The following DIAPH2 variants were observed in gnomAD, a reference collection of about 807,000 sequenced individuals.
DIAPH2 encodes the protein diaphanous related formin 2, also known as protein diaphanous homolog 2.
A neutral mutation model predicts 92.7 loss-of-function variants in DIAPH2; 35 were observed. That is an observed-to-expected ratio of 0.38 (90% CI 0.29 to 0.50). The LOEUF is 0.50. DIAPH2 is among the 20% of genes least tolerant of loss of function. The pLI, the probability that DIAPH2 is intolerant of heterozygous loss-of-function variation, is 0.94. For synonymous variants in DIAPH2, 301 were observed against 280.4 expected, an observed-to-expected ratio of 1.07 and a Z score of -0.73; for missense variants, 701 against 819.5, an observed-to-expected ratio of 0.86 and a Z score of 1.77.
intron 17 of DIAPH2, among the ~76,000 whole-genome samples, chrX:96,970,179 A>G (rs926510902): frequency 9.0e-6 from 1 of 110,632 alleles, no homozygotes; most frequent in African/African-American, 3.3e-5. Flanking sequence ...TGCAGTTTTC[A>G]TGTTCTGTTG....
intron 26 of DIAPH2, among the ~76,000 whole-genome samples, chrX:97,430,149 A>G (rs2147777426): frequency 8.9e-6 from 1 of 112,179 alleles, no homozygotes; most frequent in African/African-American, 3.2e-5. Flanking sequence ...GCTTGTTTCT[A>G]GAGACCGTTT....
intron 22 of DIAPH2, among the ~76,000 whole-genome samples, chrX:97,222,074 A>G (rs2067930361): frequency 9.0e-6 from 1 of 111,363 alleles, no homozygotes. Flanking sequence ...ATCGTATTAC[A>G]CCAAAGCAAA....
chrX:97,047,766 T>A lies in DIAPH2; in HGVS notation c.2051-25175T>A, dbSNP rs372357922. ...GGTTGTATTAGGTACTTTTAAGGGA[T>A]CCTCTGACTTTGTTCTATGATTCTA... On this transcript the variant is annotated intron_variant, in intron 17 of 26. Coordinates refer to ENST00000324765, the MANE Select transcript of DIAPH2 (RefSeq NM_006729.5). Among the ~76,000 whole-genome samples, 5 of 108,522 alleles carry A rather than the reference T, an allele frequency of 4.6e-5. No individual in the cohort carries two copies. In the South Asian group the frequency reaches 1.2e-3, roughly 26 times the overall value. 94.2% of individuals were successfully genotyped at this position (108,522 alleles called of 115,157 possible). A position where few individuals can be genotyped will look rare whatever the true frequency, so the allele number is the denominator to read the frequency against.
chrX:96,986,724 A>G (rs2066034246), intron 17 of DIAPH2, among the ~76,000 whole-genome samples: 1 of 111,375 alleles, frequency 9.0e-6, no homozygotes, highest in African/African-American at 3.3e-5. Context: ...ATAGGACTAA[A>G]GCAACCTCTT....
intron 17 of DIAPH2, among the ~76,000 whole-genome samples, chrX:97,025,892 C>A (rs1192280139): frequency 9.0e-6 from 1 of 111,433 alleles, no homozygotes; most frequent in African/African-American, 3.3e-5. Flanking sequence ...GGGAAAGAAC[C>A]TATTCTTCCT....
chrX:97,265,768 T>C (rs1241703326), intron 23 of DIAPH2, among the ~76,000 whole-genome samples: 2 of 111,820 alleles, frequency 1.8e-5, no homozygotes, highest in African/African-American at 6.5e-5. Context: ...GGACAAATCA[T>C]GTAGGTCCTT....
intron 25 of DIAPH2, among the ~76,000 whole-genome samples, chrX:97,397,017 C>G (rs950130851): frequency 9.0e-6 from 1 of 111,448 alleles, no homozygotes; most frequent in African/African-American, 3.3e-5. Context: ...AATAGTCAAT[C>G]CTCAGTCCTC....
At chrX:97,178,799 T>C (rs1327964907) in intron 22 of DIAPH2, among the ~76,000 whole-genome samples, 1 of 111,149 alleles carries the variant, frequency 9.0e-6, no homozygotes, top group African/African-American at 3.3e-5. Flanking sequence ...GGCGATTAGG[T>C]CCTGAGGGCA....
At chrX:97,382,574 T>C (rs2069560950) in intron 24 of DIAPH2, among the ~76,000 whole-genome samples, 1 of 112,007 alleles carries the variant, frequency 8.9e-6, no homozygotes, top group African/African-American at 3.2e-5. Context: ...TGCTTTAAAA[T>C]TATGATTCTA....
intron 5 of DIAPH2, chrX:96,884,556 G>T: frequency 8.3e-7 from 1 of 1,210,699 alleles, no homozygotes; most frequent in Non-Finnish European, 1.1e-6. Flanking sequence ...TAATCAGAGG[G>T]GCAGAGAAGG....
chrX:97,536,882 G>A (rs1423781025), intron 26 of DIAPH2, among the ~76,000 whole-genome samples: 2 of 111,686 alleles, frequency 1.8e-5, no homozygotes, highest in African/African-American at 3.3e-5. Context: ...TTATAAGCAC[G>A]GTATTGTGCT....
rs1214444419 is a variant in DIAPH2 at position 97,247,774 on chromosome X, G to A, written c.2779G>A (p.Glu927Lys). The change falls in exon 23 of 27, where the codon GAA becomes AAA. Residue 927 changes from glutamate (E) to lysine (K), a missense_variant. This residue lies in a region of DIAPH2 where 536 missense variants were observed against 599.3 expected (regional missense o/e 0.89). Coordinates refer to ENST00000324765, the MANE Select transcript of DIAPH2 (RefSeq NM_006729.5). ...ASMEQQIVHLERDIKKFPQAE... is the reference protein window; with the variant it reads ...ASMEQQIVHLKRDIKKFPQAE... ...AATGGAACAACAAATTGTTCATCTGGAACGTGACATCAAGAAATTCCCCCA... is the reference window on the plus strand; with the variant it reads ...AATGGAACAACAAATTGTTCATCTGAAACGTGACATCAAGAAATTCCCCCA... 1 of 1,206,093 alleles carries A rather than the reference G, an allele frequency of 8.3e-7. No homozygotes were observed.
At chrX:96,796,977 G>T (rs2064544791) in intron 4 of DIAPH2, among the ~76,000 whole-genome samples, 1 of 111,414 alleles carries the variant, frequency 9.0e-6, no homozygotes, top group African/African-American at 3.3e-5. Flanking sequence ...TTCTTATAGT[G>T]CAGGTTTTCT....
At position 96,758,739 on chromosome X, in the gene DIAPH2, G is replaced by A. The variant is rs776989560; in HGVS notation, c.447+481G>A. Reference sequence around the variant, plus strand: ...CATAATTTTATATGATGCAAACTAAGCTGCCTCATAATTGCTATTGTATAG... The same window carrying A: ...CATAATTTTATATGATGCAAACTAAACTGCCTCATAATTGCTATTGTATAG... On this transcript the variant is annotated intron_variant, in intron 4 of 26. Coordinates refer to ENST00000324765, the MANE Select transcript of DIAPH2 (RefSeq NM_006729.5). Among the ~76,000 whole-genome samples the A allele has an allele frequency of 4.5e-5, 5 of 111,584 alleles. No individual in the cohort carries two copies. The East Asian group carries it at 1.4e-3, about 31-fold the overall frequency.
chrX:96,999,556 G>C (rs1865992195), intron 17 of DIAPH2, among the ~76,000 whole-genome samples: 1 of 107,806 alleles, frequency 9.3e-6, no homozygotes, highest in Non-Finnish European at 1.9e-5. Context: ...CTGATGACTT[G>C]TGTGGTAGTA....
chrX:97,506,466 T>C (rs1365508425), intron 26 of DIAPH2, among the ~76,000 whole-genome samples: 1 of 105,595 alleles, frequency 9.5e-6, no homozygotes, highest in East Asian at 3.0e-4. Flanking sequence ...TTTTTTTTTT[T>C]TTTTTCAGAT....
At chrX:97,455,870 A>G (rs1489351191) in intron 26 of DIAPH2, among the ~76,000 whole-genome samples, 1 of 111,419 alleles carries the variant, frequency 9.0e-6, no homozygotes, top group Non-Finnish European at 1.9e-5. Flanking sequence ...GATTTTCTCT[A>G]TTCTCTGTAG....
chrX:96,765,648 A>G (rs1237997747), intron 4 of DIAPH2, among the ~76,000 whole-genome samples: 1 of 111,698 alleles, frequency 9.0e-6, no homozygotes, highest in Admixed American at 9.5e-5. Flanking sequence ...AACTATCCAC[A>G]GTTTTAGGCA....
chrX:97,463,248 C>G (rs1213950935), intron 26 of DIAPH2, among the ~76,000 whole-genome samples: 1 of 104,618 alleles, frequency 9.6e-6, no homozygotes, highest in Non-Finnish European at 2.0e-5. Context: ...ATTCTATGTT[C>G]CTGTGACAGG....
Sources: allele counts gnomAD v4.1 joint callset (sites outside exome capture counted in the v4.1 genomes callset), GRCh38; gene constraint gnomAD v4.1.1; regional missense constraint gnomAD v4.1.1; transcripts MANE v1.5; gene names NCBI Gene and HGNC (gene_info 2026-07-23, HGNC 2026-07-21).